The following EBF1 variants were observed in gnomAD, a reference collection of about 807,000 sequenced individuals.
EBF1 encodes EBF transcription factor 1.
Under a neutral mutation model 68.4 loss-of-function variants are expected in EBF1, and 10 were observed. The ratio of observed to expected loss-of-function variants is 0.15; its 90% CI spans 0.09 to 0.25. EBF1 has a LOEUF of 0.25. Among genes scored for constraint, EBF1 ranks in the 10% least tolerant of loss-of-function variants. EBF1 has a pLI of 1.00. For missense variants in EBF1, 509 were observed against 794.4 expected (o/e 0.64, Z 4.32); for synonymous variants, 298 against 299.8 (o/e 0.99, Z 0.06).
intron 6 of EBF1, among the ~76,000 whole-genome samples, chr5:159,045,610 A>G (rs1561874665): frequency 6.6e-6 from 1 of 152,134 alleles, no homozygotes; most frequent in Non-Finnish European, 1.5e-5. Context: ...TATATGCATA[A>G]TTTTTAGGTA....
intron 6 of EBF1, among the ~76,000 whole-genome samples, chr5:158,939,763 G>A (rs1441703811): frequency 6.8e-6 from 1 of 146,846 alleles, no homozygotes; most frequent in East Asian, 2.1e-4. Context: ...GCGGGGGTGG[G>A]GGAGGCTGCG....
intron 6 of EBF1, among the ~76,000 whole-genome samples, chr5:158,864,953 C>T (rs1193141414): frequency 6.6e-6 from 1 of 152,156 alleles, no homozygotes; most frequent in Non-Finnish European, 1.5e-5. Flanking sequence ...GACAGCTCTG[C>T]CAGGAGGTGC....
At chr5:159,025,837 A>C (rs1483430126) in intron 6 of EBF1, among the ~76,000 whole-genome samples, 1 of 152,262 alleles carries the variant, frequency 6.6e-6, no homozygotes, top group Non-Finnish European at 1.5e-5. Flanking sequence ...AATAGGAGGA[A>C]TAAGTTTTAC....
intron 6 of EBF1, among the ~76,000 whole-genome samples, chr5:158,977,417 G>T (rs1040233354): frequency 6.6e-6 from 1 of 152,096 alleles, no homozygotes; most frequent in Non-Finnish European, 1.5e-5. Context: ...CACTTAATAC[G>T]GTTTCTTTCA....
At chr5:159,094,982 C>T (rs1444935255) in intron 4 of EBF1, among the ~76,000 whole-genome samples, 1 of 152,140 alleles carries the variant, frequency 6.6e-6, no homozygotes, top group Admixed American at 6.5e-5. Context: ...TAAGAAAATG[C>T]CGTCTATGTA....
intron 7 of EBF1, among the ~76,000 whole-genome samples, chr5:158,830,201 A>G (rs998656652): frequency 3.3e-5 from 5 of 152,180 alleles, no homozygotes; most frequent in Non-Finnish European, 7.3e-5. Flanking sequence ...CATAGGACAA[A>G]TTAAGAGCAG....
intron 6 of EBF1, among the ~76,000 whole-genome samples, chr5:158,998,983 A>G (rs370130471): frequency 1.3e-5 from 2 of 152,270 alleles, no homozygotes; most frequent in African/African-American, 4.8e-5. Flanking sequence ...TTTCTCTGTC[A>G]TGGAAGCTTC....
At chr5:158,778,209 T>C (rs1039674049) in intron 9 of EBF1, among the ~76,000 whole-genome samples, 1 of 152,170 alleles carries the variant, frequency 6.6e-6, no homozygotes, top group Non-Finnish European at 1.5e-5. Flanking sequence ...AGAAAGTTCA[T>C]TTCTGAACTC....
intron 10 of EBF1, among the ~76,000 whole-genome samples, chr5:158,773,575 C>T (rs1387202611): frequency 1.3e-5 from 2 of 152,010 alleles, no homozygotes; most frequent in African/African-American, 4.8e-5. Flanking sequence ...CTAGGCTGCT[C>T]AAACCTTGTC....
chr5:158,805,750 G>A (rs1304796229), intron 8 of EBF1, among the ~76,000 whole-genome samples: 1 of 151,928 alleles, frequency 6.6e-6, no homozygotes, highest in African/African-American at 2.4e-5. Flanking sequence ...AGATAAAAAA[G>A]ATATGGTATC....
At chr5:158,743,176 G>GA (rs1766801045) in intron 10 of EBF1, among the ~76,000 whole-genome samples, 1 of 152,128 alleles carries the variant, frequency 6.6e-6, no homozygotes, top group African/African-American at 2.4e-5. Flanking sequence ...ACAAAAGGAG[G>GA]AAAAAATTAA....
chr5:158,701,361 T>TAA (rs35952631), intron 15 of EBF1, among the ~76,000 whole-genome samples: 3 of 147,816 alleles, frequency 2.0e-5, no homozygotes, highest in Non-Finnish European at 4.5e-5. Context: ...TGGCCAGAAT[T>TAA]AAAAAAAAAA....
intron 6 of EBF1, among the ~76,000 whole-genome samples, chr5:158,892,156 T>C (rs1197248832): frequency 6.6e-6 from 1 of 152,146 alleles, no homozygotes; most frequent in Non-Finnish European, 1.5e-5. Context: ...AACAATATTT[T>C]ACTCTTCCAC....
At chr5:158,890,435 C>T (rs1800946348) in intron 6 of EBF1, among the ~76,000 whole-genome samples, 1 of 152,186 alleles carries the variant, frequency 6.6e-6, no homozygotes. Context: ...ACCATGCAAA[C>T]TTCTCAACGA....
At chr5:158,732,127 A>T (rs937861572) in intron 10 of EBF1, among the ~76,000 whole-genome samples, 6 of 152,142 alleles carry the variant, frequency 3.9e-5, no homozygotes, top group Non-Finnish European at 7.4e-5. Context: ...GTGTTTTTTT[A>T]AAATTTCTTG....
chr5:158,970,561 G>C lies in EBF1; in HGVS notation c.554+102835C>G, dbSNP rs150933852. Among the ~76,000 whole-genome samples the C allele has an allele frequency of 8.3e-4, 127 of 152,246 alleles. 1 individual carries two copies. The highest frequency in any genetic ancestry group is 2.8e-3 in the African/African-American group (118 of 41,538). On this transcript the variant is annotated intron_variant, in intron 6 of 15. Transcript: ENST00000313708. ...ATTGTGATCATTTCTGCTTCAAGAG[G>C]GTTGGCTTATAGAAAGCCTTTGTAC...
At chr5:158,874,049 A>G (rs1797356272) in intron 6 of EBF1, among the ~76,000 whole-genome samples, 2 of 152,208 alleles carry the variant, frequency 1.3e-5, no homozygotes, top group Admixed American at 1.3e-4. Flanking sequence ...TTTGTTAGTG[A>G]TTTGTATAGA....
In EBF1 at chr5:158,886,363, A is replaced by G. The variant is rs1800040489; in HGVS notation, c.555-46253T>C. Among the ~76,000 whole-genome samples the G allele has an allele frequency of 1.3e-5, 2 of 152,202 alleles. 1 individual carries two copies. The highest frequency in any genetic ancestry group is 4.8e-5 in the African/African-American group (2 of 41,458). ...ATCAATAACTGACACATTCCATGCT[A>G]TTTCTGAAGTATAACATTCCAAGTT... On this transcript the variant is annotated intron_variant, in intron 6 of 15. Transcript: ENST00000313708.
At chr5:158,994,625 A>G (rs1761050524) in intron 6 of EBF1, among the ~76,000 whole-genome samples, 1 of 152,226 alleles carries the variant, frequency 6.6e-6, no homozygotes, top group African/African-American at 2.4e-5. Flanking sequence ...TTATAATCAT[A>G]TGAGCCAGAA....
Sources: allele counts gnomAD v4.1 joint callset (sites outside exome capture counted in the v4.1 genomes callset), GRCh38; gene constraint gnomAD v4.1.1; transcripts MANE v1.5; gene names NCBI Gene and HGNC (gene_info 2026-07-23, HGNC 2026-07-21).